Variants in ABTB3 observed in about 807,000 individuals in gnomAD.
ABTB3 encodes the protein ankyrin repeat- and BTB/POZ domain-containing protein 3.
the ABTB3 span, among the ~76,000 whole-genome samples, chr12:107,552,527 A>G: frequency 6.6e-6 from 1 of 152,182 alleles, no homozygotes; most frequent in Admixed American, 6.5e-5. Flanking sequence ...TACTACACCT[A>G]CTTTTGTTGA....
chr12:107,345,834 G>A, the ABTB3 span, among the ~76,000 whole-genome samples: 6 of 152,338 alleles, frequency 3.9e-5, no homozygotes, highest in African/African-American at 1.4e-4. Context: ...GTGGGTAGAA[G>A]GAAATGAATG....
At chr12:107,504,523 A>G in the ABTB3 span, among the ~76,000 whole-genome samples, 1 of 152,370 alleles carries the variant, frequency 6.6e-6, no homozygotes, top group South Asian at 2.1e-4. Flanking sequence ...CTGTTTAATT[A>G]AAGATAATCA....
At chr12:107,570,096 G>A in the ABTB3 span, among the ~76,000 whole-genome samples, 2 of 152,242 alleles carry the variant, frequency 1.3e-5, no homozygotes, top group Admixed American at 6.5e-5. Flanking sequence ...CTTCATGCTG[G>A]ATGGTCATGA....
the ABTB3 span, among the ~76,000 whole-genome samples, chr12:107,452,609 G>C: frequency 2.8e-4 from 42 of 152,098 alleles, no homozygotes; most frequent in African/African-American, 9.4e-4. Context: ...CCGGGCCAAG[G>C]GGGGTGGATC....
chr12:107,588,808 A>C, the ABTB3 span, among the ~76,000 whole-genome samples: 2 of 152,236 alleles, frequency 1.3e-5, no homozygotes, highest in African/African-American at 4.8e-5. Flanking sequence ...AGCGTGAGCC[A>C]CCCCACCCAG....
At chr12:107,427,666 G>A in the ABTB3 span, among the ~76,000 whole-genome samples, 1 of 152,130 alleles carries the variant, frequency 6.6e-6, no homozygotes, top group South Asian at 2.1e-4. Context: ...TGCCATGTAA[G>A]GTGACACGAG....
the ABTB3 span, among the ~76,000 whole-genome samples, chr12:107,553,399 G>C: frequency 6.6e-6 from 1 of 152,180 alleles, no homozygotes; most frequent in East Asian, 1.9e-4. Context: ...GGTCATGTAA[G>C]TTGCCCAAGG....
the ABTB3 span, among the ~76,000 whole-genome samples, chr12:107,383,213 T>C: frequency 6.6e-6 from 1 of 152,192 alleles, no homozygotes; most frequent in East Asian, 1.9e-4. Flanking sequence ...GCAGACCCAC[T>C]CCAGAAGCCA....
chr12:107,569,726 C>T, the ABTB3 span, among the ~76,000 whole-genome samples: 2 of 152,296 alleles, frequency 1.3e-5, no homozygotes, highest in Admixed American at 1.3e-4. Context: ...TAGATTCAGC[C>T]ACCAGTGTCA....
chr12:107,517,051 G>A, the ABTB3 span, among the ~76,000 whole-genome samples: 5 of 152,260 alleles, frequency 3.3e-5, no homozygotes, highest in South Asian at 1.0e-3. Context: ...TTTTGTATAA[G>A]GTGTAAAGGG....
the ABTB3 span, among the ~76,000 whole-genome samples, chr12:107,387,693 A>G: frequency 6.6e-6 from 1 of 152,204 alleles, no homozygotes; most frequent in Non-Finnish European, 1.5e-5. Context: ...TAGGTTAAGT[A>G]CATCTCGTCC....
At chr12:107,438,801 GA>G in the ABTB3 span, among the ~76,000 whole-genome samples, 3 of 151,326 alleles carry the variant, frequency 2.0e-5, no homozygotes, top group South Asian at 2.1e-4. Flanking sequence ...TATGCTGATG[GA>G]AAAAAAAATT....
the ABTB3 span, among the ~76,000 whole-genome samples, chr12:107,387,774 T>G: frequency 6.6e-6 from 1 of 152,164 alleles, no homozygotes; most frequent in Non-Finnish European, 1.5e-5. Context: ...CACCTGCCCC[T>G]GCCATCTGGG....
the ABTB3 span, among the ~76,000 whole-genome samples, chr12:107,346,169 T>A: frequency 6.6e-6 from 1 of 152,180 alleles, no homozygotes; most frequent in Non-Finnish European, 1.5e-5. Flanking sequence ...AACAGCATGC[T>A]CCTGATTAGG....
chr12:107,428,311 A>C, the ABTB3 span, among the ~76,000 whole-genome samples: 1 of 152,142 alleles, frequency 6.6e-6, no homozygotes, highest in African/African-American at 2.4e-5. Flanking sequence ...GCACCATAAC[A>C]TATGCTGCCA....
chr12:107,585,372 G>A, the ABTB3 span, among the ~76,000 whole-genome samples: 1 of 152,154 alleles, frequency 6.6e-6, no homozygotes, highest in Non-Finnish European at 1.5e-5. Flanking sequence ...AATAGAATGG[G>A]ACTCAGGAGG....
At chr12:107,520,474 C>T in the ABTB3 span, 1 of 1,611,938 alleles carries the variant, frequency 6.2e-7, no homozygotes. Flanking sequence ...CTCTGTCTCC[C>T]TTCTGACTGC....
At chr12:107,464,749 G>A in the ABTB3 span, among the ~76,000 whole-genome samples, 1 of 152,166 alleles carries the variant, frequency 6.6e-6, no homozygotes, top group South Asian at 2.1e-4. Flanking sequence ...TGAGCAAGGA[G>A]ATGGGTGTGT....
the ABTB3 span, chr12:107,618,306 G>T: frequency 6.2e-7 from 1 of 1,613,918 alleles, no homozygotes; most frequent in Non-Finnish European, 8.5e-7. Context: ...CAAACTGAGG[G>T]CCCTGAGGGA....
Sources: allele counts gnomAD v4.1 joint callset (sites outside exome capture counted in the v4.1 genomes callset), GRCh38; gene constraint gnomAD v4.1.1; transcripts MANE v1.5; gene names NCBI Gene and HGNC (gene_info 2026-07-23, HGNC 2026-07-21).